GPM6B: variants seen among roughly 807,000 people sequenced by gnomAD.
The protein encoded by GPM6B is neuronal membrane glycoprotein M6-b.
A neutral mutation model predicts 27.2 loss-of-function variants in GPM6B; 4 were observed. That is an observed-to-expected ratio of 0.15 (90% confidence interval 0.07 to 0.34). The LOEUF (loss-of-function observed/expected upper bound fraction) is 0.34. Among genes scored for constraint, GPM6B ranks in the 10% least tolerant of loss-of-function variants. The pLI is 1.00. For missense variants in GPM6B, 183 were observed against 261.9 expected (o/e 0.70, Z 2.08); for synonymous variants, 124 against 103.1 (o/e 1.20, Z -1.23).
At chrX:13,796,083 TGCTG>T (rs984336430) in intron 2 of GPM6B, among the ~76,000 whole-genome samples, 22 of 111,404 alleles carry the variant, frequency 2.0e-4, no homozygotes, top group Admixed American at 2.9e-4. Flanking sequence ...CGCACCACCA[TGCTG>T]GCTAATTTTG....
intron 1 of GPM6B, among the ~76,000 whole-genome samples, chrX:13,909,952 C>T (rs2050363991): frequency 1.8e-5 from 2 of 111,793 alleles, no homozygotes; most frequent in African/African-American, 3.2e-5. Flanking sequence ...CTCATCTTTC[C>T]CTCCTACCCG....
At chrX:13,869,359 GTTT>G (rs199826065) in intron 1 of GPM6B, among the ~76,000 whole-genome samples, 6 of 101,231 alleles carry the variant, frequency 5.9e-5, no homozygotes, top group Admixed American at 1.1e-4. Context: ...GATATAGGTT[GTTT>G]TTTTTTTTTT....
chrX:13,776,135 A>G, intron 7 of GPM6B, 103 bp downstream of exon 7: 6 of 645,332 alleles, frequency 9.3e-6, no homozygotes, highest in Non-Finnish European at 1.5e-5. Flanking sequence ...TGAGTGCCAG[A>G]ATCATTGGCT....
intron 4 of GPM6B, 108 bp downstream of exon 4, chrX:13,783,257 C>A: frequency 1.6e-6 from 1 of 622,935 alleles, no homozygotes; most frequent in South Asian, 3.4e-5. Flanking sequence ...TGTCATGGAC[C>A]CTCCATTCAC....
At chrX:13,894,193 C>T (rs1277617694) in intron 1 of GPM6B, among the ~76,000 whole-genome samples, 3 of 112,152 alleles carry the variant, frequency 2.7e-5, no homozygotes, top group Non-Finnish European at 5.6e-5. Flanking sequence ...CCCAGACACA[C>T]TGATCCCCTC....
chrX:13,901,397 T>G (rs982853538), intron 1 of GPM6B, among the ~76,000 whole-genome samples: 1 of 106,056 alleles, frequency 9.4e-6, no homozygotes, highest in African/African-American at 3.5e-5. Flanking sequence ...TGGTTTCTTG[T>G]GTTACCATCT....
chrX:13,784,668 A>G (rs986401499), intron 3 of GPM6B, among the ~76,000 whole-genome samples: 2 of 112,056 alleles, frequency 1.8e-5, no homozygotes, highest in African/African-American at 6.5e-5. Flanking sequence ...TGTGAAGGAA[A>G]TAAGTAGATT....
At chrX:13,920,890 CAAA>C (rs35002910) in intron 1 of GPM6B, among the ~76,000 whole-genome samples, 3 of 79,068 alleles carry the variant, frequency 3.8e-5, no homozygotes, top group Admixed American at 1.4e-4. Context: ...GATTCCGCCT[CAAA>C]AAAAAAAAAA....
intron 1 of GPM6B, among the ~76,000 whole-genome samples, chrX:13,836,566 TTATG>T (rs974092022): frequency 1.2e-4 from 14 of 112,506 alleles, no homozygotes; most frequent in Non-Finnish European, 1.9e-4. Context: ...GTTTATTTAT[TTATG>T]TATTTATTTT....
At chrX:13,802,122 C>T (rs1322487744) in intron 2 of GPM6B, among the ~76,000 whole-genome samples, 2 of 109,144 alleles carry the variant, frequency 1.8e-5, no homozygotes, top group African/African-American at 6.7e-5. Flanking sequence ...CAAAAGATTT[C>T]AAAGCAAAAT....
chrX:13,825,857 C>T (rs1432833501), intron 1 of GPM6B, among the ~76,000 whole-genome samples: 1 of 111,545 alleles, frequency 9.0e-6, no homozygotes, highest in African/African-American at 3.3e-5. Context: ...CAAAAGATGC[C>T]GGTGAAGATG....
intron 2 of GPM6B, among the ~76,000 whole-genome samples, chrX:13,796,363 C>T (rs1249549046): frequency 8.9e-6 from 1 of 112,308 alleles, no homozygotes; most frequent in Non-Finnish European, 1.9e-5. Flanking sequence ...GCCACCATGC[C>T]CAGCCCTCAG....
chrX:13,797,323 G>C (rs1359940567), intron 2 of GPM6B, among the ~76,000 whole-genome samples: 2 of 111,542 alleles, frequency 1.8e-5, no homozygotes, highest in Non-Finnish European at 3.8e-5. Context: ...CAGGGATATG[G>C]GGGAGTGAGG....
intron 1 of GPM6B, among the ~76,000 whole-genome samples, chrX:13,931,984 T>C (rs1032289962): frequency 1.8e-5 from 2 of 112,452 alleles, no homozygotes; most frequent in Admixed American, 1.9e-4. Flanking sequence ...ACTTCTAAAC[T>C]TTTATCTGGA....
intron 1 of GPM6B, among the ~76,000 whole-genome samples, chrX:13,855,339 G>A (rs764722029): frequency 3.3e-4 from 37 of 112,407 alleles, no homozygotes; most frequent in Non-Finnish European, 2.4e-4. Context: ...TTAAGGCCAT[G>A]TTAAGTTTGC....
rs926511387 is a variant in GPM6B, at chrX:13,893,129, C to G, written c.-198+45198G>C. On this transcript the variant is annotated intron_variant, in intron 1 of 6. Transcript: ENST00000398361. ...GGTCCATGGGTCATGCTTTGCCAAA[C>G]TCTGATCTAGACGGCCATTTTATGA... 3.6e-5 allele frequency among the ~76,000 whole-genome samples: 4 copies of G among 111,987 alleles called. No homozygotes were observed. In the South Asian group the frequency reaches 1.5e-3, roughly 41 times the overall value.
intron 1 of GPM6B, among the ~76,000 whole-genome samples, chrX:13,861,617 G>A (rs2049854009): frequency 9.0e-6 from 1 of 111,707 alleles, no homozygotes; most frequent in African/African-American, 3.3e-5. Context: ...TGAAAAAGCC[G>A]ACGAATACTA....
chrX:13,885,170 A>G (rs1023607578), intron 1 of GPM6B, among the ~76,000 whole-genome samples: 3 of 112,244 alleles, frequency 2.7e-5, no homozygotes, highest in Non-Finnish European at 5.6e-5. Context: ...TAAACTGTGC[A>G]TAAGTAAAAT....
At chrX:13,878,686 A>G (rs2050064459) in intron 1 of GPM6B, among the ~76,000 whole-genome samples, 1 of 111,965 alleles carries the variant, frequency 8.9e-6, no homozygotes, top group Non-Finnish European at 1.9e-5. Flanking sequence ...ATTACATGAC[A>G]TGGCAAACGG....
Sources: allele counts gnomAD v4.1 joint callset (sites outside exome capture counted in the v4.1 genomes callset), GRCh38; gene constraint gnomAD v4.1.1; transcripts MANE v1.5; gene names NCBI Gene and HGNC (gene_info 2026-07-23, HGNC 2026-07-21).